Variants in RAB38 observed in about 807,000 individuals in gnomAD.
RAB38 encodes RAB38, member RAS oncogene family, also known as ras-related protein Rab-38.
Under a neutral mutation model 18.4 loss-of-function variants are expected in RAB38, and 15 were observed. The ratio of observed to expected loss-of-function variants is 0.82; its 90% CI spans 0.55 to 1.26. The LOEUF is 1.26. Ranked by LOEUF, RAB38 falls within the 50% of genes most tolerant of loss-of-function variation. The pLI, the probability that RAB38 is intolerant of heterozygous loss-of-function variation, is 0.00. For synonymous variants in RAB38, 101 were observed against 104.4 expected, an observed-to-expected ratio of 0.97 and a Z score of 0.20; for missense variants, 294 against 267.4, an observed-to-expected ratio of 1.10 and a Z score of -0.69.
chr11:87,972,420 T>C, the RAB38 span, among the ~76,000 whole-genome samples: 11 of 151,988 alleles, frequency 7.2e-5, no homozygotes, highest in Admixed American at 7.2e-4. Context: ...TACAGAGCAC[T>C]GACACCCACG....
the RAB38 span, among the ~76,000 whole-genome samples, chr11:87,824,834 A>G: frequency 1.3e-5 from 2 of 152,172 alleles, no homozygotes; most frequent in South Asian, 4.1e-4. Flanking sequence ...AAAGAAAGTT[A>G]AACTTTCCCA....
chr11:88,069,764 G>T, the RAB38 span, among the ~76,000 whole-genome samples: 2 of 151,872 alleles, frequency 1.3e-5, no homozygotes, highest in Non-Finnish European at 2.9e-5. Flanking sequence ...GTTTGTAAAT[G>T]CACCAATCAG....
chr11:87,962,819 T>C, the RAB38 span, among the ~76,000 whole-genome samples: 3 of 152,082 alleles, frequency 2.0e-5, no homozygotes, highest in Non-Finnish European at 4.4e-5. Flanking sequence ...GTTTTCACCA[T>C]AAAAAAATAA....
chr11:87,976,364 AAT>A, the RAB38 span, among the ~76,000 whole-genome samples: 2 of 141,862 alleles, frequency 1.4e-5, no homozygotes, highest in South Asian at 2.1e-4. Context: ...AAATATAAAA[AAT>A]ATATACAAAT....
chr11:88,134,375 G>A (rs1942806270), intron 2 of RAB38, among the ~76,000 whole-genome samples: 2 of 151,968 alleles, frequency 1.3e-5, no homozygotes, highest in African/African-American at 4.8e-5. Context: ...TGAGTAGCGG[G>A]GACTACCGGT....
the RAB38 span, among the ~76,000 whole-genome samples, chr11:88,040,549 TA>T: frequency 6.6e-6 from 1 of 151,824 alleles, no homozygotes; most frequent in Non-Finnish European, 1.5e-5. Flanking sequence ...CTACAGAAAA[TA>T]AAAAATTAGC....
the RAB38 span, among the ~76,000 whole-genome samples, chr11:87,949,589 A>G: frequency 1.8e-4 from 27 of 152,170 alleles, no homozygotes; most frequent in African/African-American, 6.3e-4. Context: ...GGTATGTTGT[A>G]TCTTTGTTCT....
At chr11:87,822,968 T>C in the RAB38 span, among the ~76,000 whole-genome samples, 1 of 152,200 alleles carries the variant, frequency 6.6e-6, no homozygotes, top group African/African-American at 2.4e-5. Flanking sequence ...TACTTTATAA[T>C]GATAAAAAGT....
chr11:87,870,687 G>A, the RAB38 span, among the ~76,000 whole-genome samples: 1 of 151,590 alleles, frequency 6.6e-6, no homozygotes, highest in African/African-American at 2.4e-5. Context: ...ACTCAAGCAA[G>A]GATAGAACAC....
the RAB38 span, among the ~76,000 whole-genome samples, chr11:87,818,000 G>A: frequency 3.3e-5 from 5 of 152,070 alleles, no homozygotes; most frequent in South Asian, 2.1e-4. Context: ...GCATCCCTTG[G>A]GCACAGCTGG....
intron 1 of RAB38, among the ~76,000 whole-genome samples, chr11:88,160,796 T>C (rs1005907987): frequency 6.6e-6 from 1 of 151,904 alleles, no homozygotes; most frequent in Non-Finnish European, 1.5e-5. Flanking sequence ...ACCATGGACA[T>C]GAAGATAATG....
intron 2 of RAB38, 89 bp downstream of exon 2, chr11:88,149,583 ATAT>A: frequency 7.0e-7 from 1 of 1,426,588 alleles, no homozygotes; most frequent in Non-Finnish European, 9.5e-7. Context: ...CTAAACAAAC[ATAT>A]TATTATCATT....
chr11:88,140,029 T>C (rs1298051515), intron 2 of RAB38, among the ~76,000 whole-genome samples: 3 of 152,222 alleles, frequency 2.0e-5, no homozygotes, highest in African/African-American at 7.2e-5. Flanking sequence ...TATATTCTGG[T>C]CCTGGAGTGT....
chr11:87,872,198 C>T, the RAB38 span, among the ~76,000 whole-genome samples: 1 of 151,520 alleles, frequency 6.6e-6, no homozygotes, highest in Admixed American at 6.6e-5. Flanking sequence ...AATACATTAT[C>T]ATATGCATAT....
chr11:87,815,170 G>A, the RAB38 span: 1 of 152,180 alleles, frequency 6.6e-6, no homozygotes, highest in East Asian at 1.9e-4. Flanking sequence ...GAGTGTGACA[G>A]GTCAGCCACT....
the RAB38 span, among the ~76,000 whole-genome samples, chr11:88,019,321 A>G: frequency 1.3e-5 from 2 of 152,114 alleles, no homozygotes; most frequent in Non-Finnish European, 2.9e-5. Context: ...TTTCTTTCAT[A>G]GAAATGCACA....
the RAB38 span, among the ~76,000 whole-genome samples, chr11:88,082,501 T>A: frequency 8.1e-3 from 1,231 of 151,886 alleles, 15 homozygotes; most frequent in African/African-American, 0.028. Context: ...AAATTTAACA[T>A]AGCTAAAACA....
the RAB38 span, among the ~76,000 whole-genome samples, chr11:88,042,124 A>C: frequency 5.9e-5 from 9 of 152,294 alleles, no homozygotes; most frequent in East Asian, 1.7e-3. Context: ...CTGTAAACTC[A>C]ACTCCTTCCT....
the RAB38 span, among the ~76,000 whole-genome samples, chr11:87,821,490 TG>T: frequency 6.6e-6 from 1 of 152,160 alleles, no homozygotes; most frequent in South Asian, 2.1e-4. Context: ...TCTTCTCAAA[TG>T]TAACTGCAAG....
Sources: allele counts gnomAD v4.1 joint callset (sites outside exome capture counted in the v4.1 genomes callset), GRCh38; gene constraint gnomAD v4.1.1; transcripts MANE v1.5; gene names NCBI Gene and HGNC (gene_info 2026-07-23, HGNC 2026-07-21).